Variants in SLC22A14 observed in about 807,000 individuals in gnomAD.
SLC22A14 encodes organic cation transporter-like 4.
In SLC22A14, 50 loss-of-function variants were observed where a neutral mutation model predicts 53.9. The observed-to-expected ratio is 0.93, with a 90% CI of 0.74 to 1.17. SLC22A14 has a LOEUF of 1.17. Ranked by LOEUF, SLC22A14 falls within the 50% of genes most tolerant of loss-of-function variation. The pLI, the probability that SLC22A14 is intolerant of heterozygous loss-of-function variation, is 0.00. For missense variants in SLC22A14, 671 were observed against 734.7 expected, an observed-to-expected ratio of 0.91 and a Z score of 1.00; for synonymous variants, 312 against 303.0, an observed-to-expected ratio of 1.03 and a Z score of -0.31.
Position 38,307,579 on chromosome 3 carries a change from C to T in SLC22A14, c.634C>T (p.Pro212Ser), listed in dbSNP as rs147188595. The change falls in exon 4 of 11, where the codon CCT becomes TCT. Residue 212 changes from proline (P) to serine (S), a missense_variant. Physicochemically the swap from Pro to Ser is moderately conservative, Grantham distance 74. Transcript: ENST00000448498. This position sits in a 1 kb window ranked among gnomAD's most constrained non-coding sequence, Gnocchi z 4.4. ...RLITDKMGRY[P>S]AILLSLLGLI... is the part of the protein sequence containing the mutation. ...TGACACCTGTAGGATGGGCCGCTACCCTGCCATCCTGCTGTCACTGCTGGG... is the reference window on the plus strand; with the variant it reads ...TGACACCTGTAGGATGGGCCGCTACTCTGCCATCCTGCTGTCACTGCTGGG... 7 of 1,614,042 alleles carry T rather than the reference C, an allele frequency of 4.3e-6. No homozygotes were observed. Among genetic ancestry groups the T allele is most frequent in the Non-Finnish European group, 5.9e-6 (7 of 1,179,974 alleles).
At chr3:38,318,172 G>T in intron 10 of SLC22A14, 26 bp from the exon 11 acceptor site, 1 of 1,609,402 alleles carries the variant, frequency 6.2e-7, no homozygotes, top group Non-Finnish European at 8.5e-7. Flanking sequence ...TGTGGCCCTG[G>T]ACTCATCCTC....
intron 5 of SLC22A14, among the ~76,000 whole-genome samples, chr3:38,309,977 G>A (rs531521006): frequency 1.3e-5 from 2 of 152,284 alleles, no homozygotes; most frequent in African/African-American, 4.8e-5. Flanking sequence ...TTGTCTAACA[G>A]CACACAGCTA....
upstream of SLC22A14, among the ~76,000 whole-genome samples, chr3:38,279,391 C>T (rs1703622167): frequency 6.6e-6 from 1 of 152,180 alleles, no homozygotes. Context: ...CACTTGCTCC[C>T]TTTAAGACGG....
At chr3:38,299,552 T>G (rs1704114584) in intron 1 of SLC22A14, among the ~76,000 whole-genome samples, 1 of 152,212 alleles carries the variant, frequency 6.6e-6, no homozygotes, top group South Asian at 2.1e-4. Context: ...TCATTCTTTT[T>G]TACAGCTGCA....
chr3:38,280,742 G>A (rs556909087), upstream of SLC22A14, among the ~76,000 whole-genome samples: 1 of 151,334 alleles, frequency 6.6e-6, no homozygotes, highest in Non-Finnish European at 1.5e-5. Flanking sequence ...CGATTCTCTT[G>A]CCTCAGCTTC....
At chr3:38,289,686 G>T (rs9814316) in intron 1 of SLC22A14, among the ~76,000 whole-genome samples, 2 of 151,990 alleles carry the variant, frequency 1.3e-5, no homozygotes, top group Non-Finnish European at 2.9e-5. Context: ...CCTTTAGCCC[G>T]ATCCGGAGTG....
At position 38,306,051 on chromosome 3, in the gene SLC22A14, G is replaced by T; in HGVS notation, c.25G>T (p.Glu9Ter). The T allele has an allele frequency of 6.2e-7, 1 of 1,613,362 alleles. No homozygotes were observed. Among genetic ancestry groups the T allele is most frequent in the East Asian group, 2.2e-5 (1 of 44,862 alleles). Residue 9 changes from glutamate (E) to a stop codon, truncating the protein, a stop_gained, in exon 2 of 11, where the codon GAA (glutamate) becomes TAA (stop). Transcript: ENST00000448498. LOFTEE classifies it high-confidence loss of function. Reference sequence around the variant, plus strand: ...GATGGCAGGAGAGGAGAACTTCAAGGAAGAGCTCAGATCCCAGGATGCTTC... The same window carrying T: ...GATGGCAGGAGAGGAGAACTTCAAGTAAGAGCTCAGATCCCAGGATGCTTC... MAGEENFKEELRSQDASRN... is the reference protein window; with the variant it reads MAGEENFK
intron 1 of SLC22A14, among the ~76,000 whole-genome samples, chr3:38,284,096 C>A (rs1273357007): frequency 6.6e-6 from 1 of 152,184 alleles, no homozygotes; most frequent in African/African-American, 2.4e-5. Context: ...AGCTGGAGAC[C>A]TCTTCCCTGG....
chr3:38,316,927 C>A (rs150856469), intron 10 of SLC22A14, among the ~76,000 whole-genome samples: 93 of 152,334 alleles, frequency 6.1e-4, no homozygotes, highest in African/African-American at 2.2e-3. Flanking sequence ...CTAGTTCAGT[C>A]CTGGTTTTCA....
At chr3:38,279,524 G>T (rs948883434), upstream of SLC22A14, among the ~76,000 whole-genome samples, 4 of 152,104 alleles carry the variant, frequency 2.6e-5, no homozygotes, top group Non-Finnish European at 5.9e-5. Flanking sequence ...CTCGTGATCC[G>T]CCCACCTCGG....
At chr3:38,316,276 C>G in intron 9 of SLC22A14, 48 bp from the exon 10 acceptor site, 2 of 1,574,212 alleles carry the variant, frequency 1.3e-6, no homozygotes, top group Non-Finnish European at 1.7e-6. Flanking sequence ...CCTGCCCAGC[C>G]TCTGAACCCG....
intron 1 of SLC22A14, among the ~76,000 whole-genome samples, chr3:38,298,301 A>G (rs1331763958): frequency 6.6e-6 from 1 of 152,132 alleles, no homozygotes; most frequent in African/African-American, 2.4e-5. Context: ...CCATTTCTCC[A>G]ACGAACCCTG....
chr3:38,287,112 T>TGC (rs1703812062), intron 1 of SLC22A14, among the ~76,000 whole-genome samples: 1 of 145,410 alleles, frequency 6.9e-6, no homozygotes, highest in African/African-American at 2.8e-5. Flanking sequence ...TGTGTGTGCG[T>TGC]GTGTGTGTGT....
intron 1 of SLC22A14, among the ~76,000 whole-genome samples, chr3:38,302,825 C>T (rs190563089): frequency 3.3e-5 from 5 of 151,864 alleles, no homozygotes; most frequent in Non-Finnish European, 7.4e-5. Flanking sequence ...AGTTAAAATT[C>T]TTTGGGAGTA....
intron 1 of SLC22A14, among the ~76,000 whole-genome samples, chr3:38,296,130 G>A (rs544225542): frequency 8.5e-5 from 13 of 152,354 alleles, no homozygotes; most frequent in South Asian, 4.1e-4. Flanking sequence ...CAAGAAAGTC[G>A]TGGTTGGGAC....
intron 1 of SLC22A14, among the ~76,000 whole-genome samples, chr3:38,286,121 A>G (rs1703785811): frequency 6.6e-6 from 1 of 152,168 alleles, no homozygotes; most frequent in Non-Finnish European, 1.5e-5. Context: ...GCGCGCCTGT[A>G]ATCCCAGCTA....
chr3:38,290,237 C>T (rs1442749684), intron 1 of SLC22A14, among the ~76,000 whole-genome samples: 1 of 152,200 alleles, frequency 6.6e-6, no homozygotes, highest in African/African-American at 2.4e-5. Flanking sequence ...AATGACTGCT[C>T]TAACTGCTTC....
chr3:38,312,913 TG>T, intron 5 of SLC22A14, 85 bp from the exon 6 acceptor site: 1 of 1,520,968 alleles, frequency 6.6e-7, no homozygotes, highest in Non-Finnish European at 8.9e-7. Flanking sequence ...TGGCACAGGA[TG>T]GCCACAGCTG....
rs760363786 is a variant in SLC22A14, at chr3:38,313,869, AG to A, written c.1308del (p.Lys437SerfsTer6). On this transcript the variant is annotated frameshift_variant, in exon 8 of 11. Coordinates refer to ENST00000448498, the MANE Select transcript of SLC22A14 (RefSeq NM_001320033.2). LOFTEE classifies it high-confidence loss of function. Reference sequence around the variant, plus strand: ...CATCTTTCTCCTCCAGCAGATTGGGAGGAAGTGGAGCCTGGCTGTGACTCTC... The same window carrying A: ...CATCTTTCTCCTCCAGCAGATTGGGAGAAGTGGAGCCTGGCTGTGACTCTC... ...CCIFLLQQIG[R>X]KWSLAVTLLQ... 1 of 1,613,918 alleles carries A rather than the reference AG, an allele frequency of 6.2e-7. No homozygotes were observed. Among genetic ancestry groups the A allele is most frequent in the Non-Finnish European group, 8.5e-7 (1 of 1,179,952 alleles).
Sources: allele counts gnomAD v4.1 joint callset (sites outside exome capture counted in the v4.1 genomes callset), GRCh38; gene constraint gnomAD v4.1.1; non-coding constraint Gnocchi (gnomAD v3.1); transcripts MANE v1.5; gene names NCBI Gene and HGNC (gene_info 2026-07-23, HGNC 2026-07-21).